ZBTB7C: variants seen among roughly 807,000 people sequenced by gnomAD.
ZBTB7C encodes the protein zinc finger and BTB domain containing 7C.
Under a neutral mutation model 25.7 loss-of-function variants are expected in ZBTB7C, and 8 were observed. That is an observed-to-expected ratio of 0.31 (90% CI 0.18 to 0.56). ZBTB7C has a LOEUF of 0.56. Ranked by LOEUF, ZBTB7C falls within the 20% of genes least tolerant of loss-of-function variation. The pLI, the probability that ZBTB7C is intolerant of heterozygous loss-of-function variation, is 0.91. For synonymous variants in ZBTB7C, 394 were observed against 369.0 expected (o/e 1.07, Z -0.78); for missense variants, 824 against 855.2 (o/e 0.96, Z 0.46).
intron 3 of ZBTB7C, among the ~76,000 whole-genome samples, chr18:48,116,233 T>C (rs768712664): frequency 3.3e-5 from 5 of 152,112 alleles, no homozygotes; most frequent in African/African-American, 9.7e-5. Context: ...CCAGACGCCC[T>C]GTGCATGTCC....
At chr18:48,356,566 G>T (rs1035295724) in intron 1 of ZBTB7C, among the ~76,000 whole-genome samples, 1 of 152,110 alleles carries the variant, frequency 6.6e-6, no homozygotes, top group African/African-American at 2.4e-5. Context: ...TTCACAGTCT[G>T]CCCAGGCTAA....
chr18:48,201,222 G>T (rs2042437855), intron 2 of ZBTB7C, among the ~76,000 whole-genome samples: 1 of 152,106 alleles, frequency 6.6e-6, no homozygotes, highest in East Asian at 1.9e-4. Flanking sequence ...TGAACACCAG[G>T]CATGCTGAGA....
At position 48,216,826 on chromosome 18, in the gene ZBTB7C, C is replaced by A. The variant is rs147263587; in HGVS notation, c.-78-30831G>T. Among the ~76,000 whole-genome samples, 261 of 152,218 alleles carry A rather than the reference C, an allele frequency of 1.7e-3. 1 individual carries two copies. Among genetic ancestry groups the A allele is most frequent in the Non-Finnish European group, 2.5e-3 (168 of 68,014 alleles). ...TTGTTGTGGGTTGAACTGTGTCCAC[C>A]CCGAATTCATGTGGTAAGGTCCTAC... On this transcript the variant is annotated intron_variant, in intron 2 of 4. Coordinates refer to ENST00000590800, the MANE Select transcript of ZBTB7C (RefSeq NM_001318841.2).
rs1230135186 is a variant in ZBTB7C at position 48,142,774 on chromosome 18, C to G, written c.-17+43160G>C. 4.1e-4 allele frequency among the ~76,000 whole-genome samples: 62 copies of G among 152,108 alleles called. 1 individual carries two copies. Among genetic ancestry groups the G allele is most frequent in the Non-Finnish European group, 1.5e-5 (1 of 67,946 alleles). On this transcript the variant is annotated intron_variant, in intron 3 of 4. Transcript: ENST00000590800. ...GGGTGGCACCACTAGCTAGGGGAGG[C>G]AGATTCCCTCTTGTCTTCCTTCCTC...
At chr18:48,412,135 G>A (rs1367027698), upstream of ZBTB7C, among the ~76,000 whole-genome samples, 1 of 152,200 alleles carries the variant, frequency 6.6e-6, no homozygotes, top group East Asian at 1.9e-4. Flanking sequence ...GAGAAAAGGC[G>A]AGGGCAAGTG....
chr18:48,147,187 C>G (rs187676935), intron 3 of ZBTB7C, among the ~76,000 whole-genome samples: 1 of 152,092 alleles, frequency 6.6e-6, no homozygotes, highest in African/African-American at 2.4e-5. Context: ...AAGTGATTCT[C>G]GTGCCTCAGC....
intron 3 of ZBTB7C, among the ~76,000 whole-genome samples, chr18:48,092,146 G>C (rs1408924640): frequency 1.3e-5 from 2 of 152,228 alleles, no homozygotes; most frequent in Non-Finnish European, 2.9e-5. Context: ...GACACTTCCA[G>C]ACACAGAGCC....
intron 3 of ZBTB7C, among the ~76,000 whole-genome samples, chr18:48,050,368 C>T (rs759334076): frequency 6.6e-6 from 1 of 152,176 alleles, no homozygotes; most frequent in Non-Finnish European, 1.5e-5. Flanking sequence ...GGCAGGGCTA[C>T]TTCAACTTTT....
At chr18:48,135,107 C>T (rs1035092356) in intron 3 of ZBTB7C, among the ~76,000 whole-genome samples, 1 of 152,152 alleles carries the variant, frequency 6.6e-6, no homozygotes, top group Non-Finnish European at 1.5e-5. Context: ...TCACTTCATC[C>T]AACCCTTTGA....
At chr18:48,094,449 C>T (rs931235677) in intron 3 of ZBTB7C, among the ~76,000 whole-genome samples, 1 of 152,138 alleles carries the variant, frequency 6.6e-6, no homozygotes, top group Admixed American at 6.5e-5. Context: ...TTCTGTAAAA[C>T]GAGAGAGTCA....
At chr18:48,348,655 A>G (rs111666453) in intron 1 of ZBTB7C, among the ~76,000 whole-genome samples, 139 of 152,348 alleles carry the variant, frequency 9.1e-4, no homozygotes, top group African/African-American at 3.1e-3. Flanking sequence ...TGTCTCTACT[A>G]AAAATACAAA....
At chr18:48,395,690 C>T (rs1326230546) in intron 1 of ZBTB7C, among the ~76,000 whole-genome samples, 1 of 152,100 alleles carries the variant, frequency 6.6e-6, no homozygotes, top group Non-Finnish European at 1.5e-5. Flanking sequence ...GGCAGAGTCC[C>T]CATACAAAAA....
intron 3 of ZBTB7C, among the ~76,000 whole-genome samples, chr18:48,133,724 G>C (rs916427894): frequency 1.3e-5 from 2 of 152,106 alleles, no homozygotes; most frequent in South Asian, 2.1e-4. Flanking sequence ...GAAGCAGGAG[G>C]CTTTAGAAAG....
chr18:48,195,790 AAAAATGACTC>A (rs779535014), intron 2 of ZBTB7C, among the ~76,000 whole-genome samples: 71 of 152,210 alleles, frequency 4.7e-4, no homozygotes, highest in Non-Finnish European at 8.2e-4. Context: ...AGCATTTTTA[AAAAATGACTC>A]AAAATGACTC....
At chr18:48,374,540 T>A (rs1305680402) in intron 1 of ZBTB7C, among the ~76,000 whole-genome samples, 1 of 152,232 alleles carries the variant, frequency 6.6e-6, no homozygotes, top group Non-Finnish European at 1.5e-5. Flanking sequence ...CTGGCAAGGA[T>A]GCCTCTGCCA....
rs546083104 is a variant in ZBTB7C, at chr18:48,256,391, A to C, written c.-78-70396T>G. Among the ~76,000 whole-genome samples, 4 of 151,912 alleles carry C rather than the reference A, an allele frequency of 2.6e-5. No individual in the cohort carries two copies. In the South Asian group the frequency reaches 8.3e-4, roughly 32 times the overall value. On this transcript the variant is annotated intron_variant, in intron 2 of 4. Coordinates refer to ENST00000590800, the MANE Select transcript of ZBTB7C (RefSeq NM_001318841.2). ...ATACCTTTAAAATACTGAAAGAAAAAATTATCAACCTGGAATTTTCTACAT... is the reference window on the plus strand; with the variant it reads ...ATACCTTTAAAATACTGAAAGAAAACATTATCAACCTGGAATTTTCTACAT...
At chr18:48,222,861 C>T (rs1421753412) in intron 2 of ZBTB7C, among the ~76,000 whole-genome samples, 1 of 152,096 alleles carries the variant, frequency 6.6e-6, no homozygotes, top group Non-Finnish European at 1.5e-5. Context: ...TGCTCTGTAC[C>T]CAATGAAGTC....
intron 2 of ZBTB7C, among the ~76,000 whole-genome samples, chr18:48,203,008 C>T (rs983832463): frequency 6.6e-6 from 1 of 152,038 alleles, no homozygotes; most frequent in African/African-American, 2.4e-5. Flanking sequence ...AGCCTCAAGA[C>T]CCCCTCTTCT....
intron 1 of ZBTB7C, among the ~76,000 whole-genome samples, chr18:48,403,050 C>T (rs954067704): frequency 5.3e-5 from 8 of 152,204 alleles, no homozygotes; most frequent in African/African-American, 1.9e-4. Context: ...AGAAACCCTC[C>T]CTGCATCCAT....
Sources: gnomAD v4.1 joint callset for allele counts (sites outside exome capture counted in the v4.1 genomes callset) on GRCh38, gnomAD v4.1.1 for gene constraint, MANE v1.5 for transcripts, NCBI Gene and HGNC (gene_info 2026-07-23, HGNC 2026-07-21) for gene names.